EPB41L4B: variants seen among roughly 807,000 people sequenced by gnomAD.
EPB41L4B encodes the protein erythrocyte membrane protein band 4.1 like 4B.
A neutral mutation model predicts 112.5 loss-of-function variants in EPB41L4B; 30 were observed. The ratio of observed to expected loss-of-function variants is 0.27; its 90% CI spans 0.20 to 0.36. The LOEUF is 0.36. Ranked by LOEUF, EPB41L4B falls within the 10% of genes least tolerant of loss-of-function variation. The pLI, the probability that EPB41L4B is intolerant of heterozygous loss-of-function variation, is 1.00. For missense variants in EPB41L4B, 1,024 were observed against 1,133.3 expected, an observed-to-expected ratio of 0.90 and a Z score of 1.38; for synonymous variants, 408 against 439.7, an observed-to-expected ratio of 0.93 and a Z score of 0.90.
At chr9:109,178,382 C>CT (rs1397053185) in intron 24 of EPB41L4B, among the ~76,000 whole-genome samples, 1,574 of 142,100 alleles carry the variant, frequency 0.011, 39 homozygotes, top group African/African-American at 0.032. Context: ...TGAGCAGTAT[C>CT]TTCTTTTTTT....
Position 109,320,325 on chromosome 9 carries a change from G to A in EPB41L4B, c.122C>T (p.Pro41Leu). 6.0e-6 allele frequency: 6 copies of A among 992,858 alleles called. No individual in the cohort carries two copies. Among genetic ancestry groups the A allele is most frequent in the Non-Finnish European group, 4.8e-6 (4 of 836,306 alleles). The allele number at this position is 992,858 out of a possible 1,614,324, so 61.5% of individuals were successfully genotyped here. ...DERDGGPRGG[P>L]AAAASSSALP... is the part of the protein sequence containing the mutation. ...CGCCGAGGAGGAGGCGGCGGCGGCC[G>A]GGCCCCCCCGTGGCCCCCCATCGCG... The change falls in exon 1 of 26, where the codon CCG becomes CTG. Residue 41 changes from proline to leucine, a missense_variant. Transcript: ENST00000374566.
At chr9:109,302,339 C>T (rs1837001199) in intron 1 of EPB41L4B, among the ~76,000 whole-genome samples, 1 of 152,208 alleles carries the variant, frequency 6.6e-6, no homozygotes, top group Non-Finnish European at 1.5e-5. Flanking sequence ...CATGGTCCTC[C>T]CCCTGTACAG....
chr9:109,296,871 CAAAA>C (rs748065925), intron 1 of EPB41L4B, among the ~76,000 whole-genome samples: 1 of 69,476 alleles, frequency 1.4e-5, no homozygotes, highest in African/African-American at 5.1e-5. Context: ...GGCCATGTCT[CAAAA>C]AAAAAAAAAA....
chr9:109,304,295 C>T (rs148092357), intron 1 of EPB41L4B, among the ~76,000 whole-genome samples: 10 of 152,264 alleles, frequency 6.6e-5, no homozygotes, highest in Middle Eastern at 6.8e-3. Context: ...GGTCTTAGAA[C>T]GCCAGCTGGC....
intron 2 of EPB41L4B, among the ~76,000 whole-genome samples, chr9:109,277,464 G>A (rs1317567696): frequency 1.3e-5 from 2 of 152,172 alleles, no homozygotes; most frequent in Admixed American, 1.3e-4. Flanking sequence ...AAAGGTCTGT[G>A]CTCAGATCCA....
At chr9:109,293,666 G>GAGCCACC (rs1392131937) in intron 1 of EPB41L4B, among the ~76,000 whole-genome samples, 1 of 146,068 alleles carries the variant, frequency 6.8e-6, no homozygotes, top group African/African-American at 2.6e-5. Flanking sequence ...TTACAGGGGT[G>GAGCCACC]AGCCACCATG....
chr9:109,207,842 G>T (rs941606639), intron 18 of EPB41L4B, 82 bp downstream of exon 18: 23 of 1,565,648 alleles, frequency 1.5e-5, no homozygotes, highest in Non-Finnish European at 2.0e-5. Flanking sequence ...CAGCATCTCA[G>T]TCCTACGGTG....
chr9:109,302,000 GC>G (rs1836986865), intron 1 of EPB41L4B, among the ~76,000 whole-genome samples: 1 of 152,226 alleles, frequency 6.6e-6, no homozygotes, highest in Non-Finnish European at 1.5e-5. Flanking sequence ...TGTTACAGAT[GC>G]CAGTTCCTGC....
chr9:109,229,800 G>T (rs1210846259), intron 15 of EPB41L4B, among the ~76,000 whole-genome samples: 1 of 152,202 alleles, frequency 6.6e-6, no homozygotes, highest in East Asian at 1.9e-4. Context: ...AGTCCTTGGA[G>T]TAAGTGGGCA....
chr9:109,248,198 C>T (rs1029973051), intron 13 of EPB41L4B, among the ~76,000 whole-genome samples: 5 of 152,340 alleles, frequency 3.3e-5, no homozygotes. Flanking sequence ...CCTCTTCCCA[C>T]GGCAGGGGGA....
chr9:109,243,630 G>A lies in EPB41L4B; in HGVS notation c.1397C>T (p.Ser466Phe). Residue 466 changes from serine (S) to phenylalanine (F), a missense_variant, in exon 15 of 26, where the codon TCT becomes TTT. Coordinates refer to ENST00000374566, the MANE Select transcript of EPB41L4B (RefSeq NM_019114.5). ...HPSQPRWHPH[S>F]PNVSYPLPSP... Reference sequence around the variant, plus strand: ...CACCAGCACTTACCTGACATTTGGAGAGTGAGGATGCCACCGGGGCTGGCT... The same window carrying A: ...CACCAGCACTTACCTGACATTTGGAAAGTGAGGATGCCACCGGGGCTGGCT... The A allele has an allele frequency of 6.2e-7, 1 of 1,614,198 alleles. No individual in the cohort carries two copies. The highest frequency in any genetic ancestry group is 2.2e-5 in the East Asian group (1 of 44,892).
rs574688847 is a variant in EPB41L4B at position 109,226,018 on chromosome 9, G to C, written c.1410-8873C>G. On this transcript the variant is annotated intron_variant, in intron 15 of 25. Transcript: ENST00000374566. ...TAAAGTCCTAACTTTTTCTGAAATG[G>C]AGAGCCAATTGTTCTAAGATCACCC... Among the ~76,000 whole-genome samples the C allele has an allele frequency of 8.5e-5, 13 of 152,246 alleles. No individual in the cohort carries two copies. The South Asian group carries it at 1.2e-3, about 15-fold the overall frequency.
At position 109,254,426 on chromosome 9, in the gene EPB41L4B, C is replaced by A. The variant is rs10979772; in HGVS notation, c.1170-876G>T. Among the ~76,000 whole-genome samples, 843 of 137,990 alleles carry A rather than the reference C, an allele frequency of 6.1e-3. 13 individuals carry two copies. In the East Asian group the frequency reaches 0.099, roughly 16 times the overall value. 90.5% of individuals were successfully genotyped at this position (137,990 alleles called of 152,430 possible). ...TTGGAGCATTTAAAACAAAATAATT[C>A]TTTAAACAGAAGTTCATAGCTATTT... On this transcript the variant is annotated intron_variant, in intron 11 of 25. Coordinates refer to ENST00000374566, the MANE Select transcript of EPB41L4B (RefSeq NM_019114.5).
chr9:109,231,924 GA>G (rs78131476), intron 15 of EPB41L4B, among the ~76,000 whole-genome samples: 2 of 149,270 alleles, frequency 1.3e-5, no homozygotes, highest in Non-Finnish European at 3.0e-5. Flanking sequence ...CTTGCCTAAA[GA>G]AAAAAAAATA....
At chr9:109,182,021 G>A (rs1039378683) in intron 24 of EPB41L4B, among the ~76,000 whole-genome samples, 1 of 151,998 alleles carries the variant, frequency 6.6e-6, no homozygotes, top group Non-Finnish European at 1.5e-5. Context: ...CCAGCCTGGC[G>A]AACGTAATGA....
At chr9:109,286,815 T>C in intron 1 of EPB41L4B, among the ~76,000 whole-genome samples, 1 of 152,208 alleles carries the variant, frequency 6.6e-6, no homozygotes, top group East Asian at 1.9e-4. Flanking sequence ...CCCTGCCTTC[T>C]TAAGCAGAAT....
chr9:109,258,204 T>C lies in EPB41L4B; in HGVS notation c.725A>G (p.Asp242Gly), dbSNP rs764975305. ...GCACTCTTTCCATCTCTGGAAGATA[T>C]CAAATTCCATTGCTTCTGTCTGATT... ...IPNQTEAMEF[D>G]IFQRWKECRG... The change falls in exon 7 of 26, where the codon GAT (aspartate) becomes GGT (glycine). Residue 242 changes from aspartate (D) to glycine (G), a missense_variant. Physicochemically the swap from Asp to Gly is moderately conservative, Grantham distance 94. Transcript: ENST00000374566. 7.4e-6 allele frequency: 12 copies of C among 1,613,772 alleles called. No individual in the cohort carries two copies. In the Admixed American group the frequency reaches 1.7e-4, roughly 22 times the overall value.
Position 109,174,462 on chromosome 9 carries a change from T to C in EPB41L4B, c.*92A>G, listed in dbSNP as rs772004505. On this transcript the variant is annotated 3_prime_UTR_variant, in exon 26 of 26. Transcript: ENST00000374566. ...AGACCTGGGCGAACAGAGCACACAC[T>C]TGTATGCTGTGCTAGAGTGAGCACA... The C allele has an allele frequency of 1.6e-6, 2 of 1,241,776 alleles. No individual in the cohort carries two copies. The highest frequency in any genetic ancestry group is 2.4e-6 in the Non-Finnish European group (2 of 842,670). The allele number at this position is 1,241,776 out of a possible 1,614,324, so 76.9% of individuals were successfully genotyped here.
chr9:109,314,212 G>T (rs1837539069), intron 1 of EPB41L4B, among the ~76,000 whole-genome samples: 1 of 152,312 alleles, frequency 6.6e-6, no homozygotes, highest in East Asian at 1.9e-4. Flanking sequence ...TCAAGCAGTG[G>T]GCAAGGATGG....
Sources: gnomAD v4.1 joint callset for allele counts (sites outside exome capture counted in the v4.1 genomes callset) on GRCh38, gnomAD v4.1.1 for gene constraint, MANE v1.5 for transcripts, NCBI Gene and HGNC (gene_info 2026-07-23, HGNC 2026-07-21) for gene names.